Variants in CFAP44 observed in about 807,000 individuals in gnomAD.
CFAP44 encodes the protein cilia and flagella associated protein 44, also known as cilia- and flagella-associated protein 44.
Under a neutral mutation model 216.2 loss-of-function variants are expected in CFAP44, and 134 were observed. That is an observed-to-expected ratio of 0.62 (90% confidence interval 0.54 to 0.72). The LOEUF (loss-of-function observed/expected upper bound fraction) is 0.72. Ranked by LOEUF, CFAP44 falls within the 30% of genes least tolerant of loss-of-function variation. CFAP44 has a pLI of 0.00. For synonymous variants in CFAP44, 700 were observed against 727.6 expected, an observed-to-expected ratio of 0.96 and a Z score of 0.61; for missense variants, 2,035 against 2,182.1, an observed-to-expected ratio of 0.93 and a Z score of 1.34.
At chr3:113,394,630 T>C (rs1350013797) in intron 15 of CFAP44, among the ~76,000 whole-genome samples, 1 of 152,194 alleles carries the variant, frequency 6.6e-6, no homozygotes, top group Non-Finnish European at 1.5e-5. Flanking sequence ...ACCAGGGGTG[T>C]CCAATCTTTT....
intron 24 of CFAP44, among the ~76,000 whole-genome samples, chr3:113,335,323 A>G (rs1018564519): frequency 3.3e-5 from 5 of 152,230 alleles, no homozygotes; most frequent in African/African-American, 1.2e-4. Flanking sequence ...GTGGAGTAGG[A>G]TCAGGATCCC....
intron 6 of CFAP44, 28 bp from the exon 7 acceptor site, chr3:113,409,350 A>ATGTGTCCT: frequency 6.3e-7 from 1 of 1,583,052 alleles, no homozygotes; most frequent in Non-Finnish European, 8.7e-7. Flanking sequence ...AGCCTAATAA[A>ATGTGTCCT]TAAGGACACA....
At position 113,373,520 on chromosome 3, in the gene CFAP44, A is replaced by T. The variant is rs747787988; in HGVS notation, c.2335T>A (p.Phe779Ile). The T allele has an allele frequency of 5.0e-6, 8 of 1,601,178 alleles. No homozygotes were observed. In the East Asian group the frequency reaches 1.1e-4, roughly 23 times the overall value. The change falls in exon 18 of 35, where the codon TTC becomes ATC. Residue 779 changes from phenylalanine to isoleucine, a missense_variant. Phe to Ile is a conservative substitution (Grantham distance 21, BLOSUM62 0). Transcript: ENST00000393845. ...YDSGFLYHCE[F>I]PPCDESSDFK... ...TCACTGCTTTCATCACAAGGGGGGA[A>T]CTCACAGTGATATAGAAAACCAGAA...
intron 22 of CFAP44, among the ~76,000 whole-genome samples, chr3:113,348,643 A>G (rs959716856): frequency 6.6e-6 from 1 of 152,150 alleles, no homozygotes; most frequent in African/African-American, 2.4e-5. Flanking sequence ...CCTGCCCAGA[A>G]GGAAATAAGC....
intron 15 of CFAP44, among the ~76,000 whole-genome samples, chr3:113,393,733 C>T (rs1023587468): frequency 6.6e-6 from 1 of 152,174 alleles, no homozygotes; most frequent in Non-Finnish European, 1.5e-5. Flanking sequence ...CCAAGCTTGT[C>T]TCAACTGCTG....
rs549750318 is a variant in CFAP44, at chr3:113,380,974, A to G, written c.1977T>C (p.His659=). ...CTTTGATTTCATAGGAGACTACATC[A>G]TGATCATCCTCTTCTTGCTTTATGG... ...LPTIKQEEDD[H]DVVSYEIKDM... Residue 659 remains histidine (H), a synonymous_variant, in exon 16 of 35, where the codon CAT becomes CAC. Coordinates refer to ENST00000393845, the MANE Select transcript of CFAP44 (RefSeq NM_001164496.2). 1.2e-6 allele frequency: 2 copies of G among 1,602,734 alleles called. No homozygotes were observed. The highest frequency in any genetic ancestry group is 2.3e-5 in the East Asian group (1 of 44,194).
chr3:113,375,428 G>T (rs1476613624), intron 17 of CFAP44, among the ~76,000 whole-genome samples: 1 of 152,114 alleles, frequency 6.6e-6, no homozygotes, highest in East Asian at 1.9e-4. Context: ...AGAAAAAATA[G>T]GCTAAAGCAT....
chr3:113,361,370 ATGTC>A (rs1005490653), intron 21 of CFAP44: 8 of 203,784 alleles, frequency 3.9e-5, no homozygotes, highest in African/African-American at 1.9e-4. Context: ...CCAACTCAAC[ATGTC>A]TGTATTTGAA....
chr3:113,305,958 A>C lies in CFAP44; in HGVS notation c.4758+243T>G, dbSNP rs1949981583. On this transcript the variant is annotated intron_variant, in intron 30 of 34. Coordinates refer to ENST00000393845, the MANE Select transcript of CFAP44 (RefSeq NM_001164496.2). The stretch of plus-strand genomic sequence containing the variant: ...TTGTATGGGGAGGGGCTCCATTTTC[A>C]TTTTTTTTACTTATACAGTCATCAG... Among the ~76,000 whole-genome samples, 3 of 151,914 alleles carry C rather than the reference A, an allele frequency of 2.0e-5. No homozygotes were observed. In the South Asian group the frequency reaches 6.2e-4, roughly 32 times the overall value.
chr3:113,348,227 G>A (rs111936711), intron 22 of CFAP44, among the ~76,000 whole-genome samples: 2,812 of 152,026 alleles, frequency 0.018, 96 homozygotes, highest in African/African-American at 0.064. Context: ...TCAAAACCGC[G>A]GGCGGTTTTT....
chr3:113,359,003 C>T (rs1474640246), intron 21 of CFAP44, 128 bp from the exon 22 acceptor site: 4 of 1,153,850 alleles, frequency 3.5e-6, no homozygotes, highest in Non-Finnish European at 4.6e-6. Flanking sequence ...CTGTCCATTA[C>T]AAAAGAAAAA....
At chr3:113,354,772 A>G (rs988154739) in intron 22 of CFAP44, among the ~76,000 whole-genome samples, 1 of 152,026 alleles carries the variant, frequency 6.6e-6, no homozygotes, top group African/African-American at 2.4e-5. Flanking sequence ...TGCCTGAGAA[A>G]CCTGAATACT....
intron 23 of CFAP44, 43 bp downstream of exon 23, chr3:113,344,473 T>A (rs1950362706): frequency 6.7e-7 from 1 of 1,492,284 alleles, no homozygotes; most frequent in African/African-American, 1.4e-5. Context: ...ACTTTTGAAG[T>A]CTTAGTAAAT....
chr3:113,419,744 G>A (rs1035546489), intron 5 of CFAP44, among the ~76,000 whole-genome samples: 1 of 152,140 alleles, frequency 6.6e-6, no homozygotes. Flanking sequence ...AAACTTGCAC[G>A]ACTATGGGGA....
rs1205502780 is a variant in CFAP44 at position 113,379,419 on chromosome 3, TCTCCTCTTC to T, written c.2176_2184del (p.Glu726_Glu728del). 4 of 1,611,866 alleles carry T rather than the reference TCTCCTCTTC, an allele frequency of 2.5e-6. 1 individual carries two copies. The Admixed American group carries it at 6.7e-5, about 27-fold the overall frequency. ...TCTTCTTCCTCCTCCTCCTCCTCTT[TCTCCTCTTC>T]CTCCTCCTGAAATTCTTTTTCTCCA... On this transcript the variant is annotated inframe_deletion, in exon 17 of 35. Coordinates refer to ENST00000393845, the MANE Select transcript of CFAP44 (RefSeq NM_001164496.2).
chr3:113,344,589 T>A lies in CFAP44; in HGVS notation c.3189A>T (p.Ser1063=). The A allele has an allele frequency of 6.5e-7, 1 of 1,537,162 alleles. No homozygotes were observed. Among genetic ancestry groups the A allele is most frequent in the Admixed American group, 2.0e-5 (1 of 50,994 alleles). The stretch of plus-strand genomic sequence containing the variant: ...TGTCCAATTTGCTTGGTTTTCTCTC[T>A]GATTGACTAGCTCGTTTGAATTTGG... ...KYSKFKRASQ[S]ERKPSKLDRF... The change falls in exon 23 of 35, where the codon TCA becomes TCT. Residue 1063 remains serine (S), a synonymous_variant. Transcript: ENST00000393845.
chr3:113,379,415 T>A lies in CFAP44; in HGVS notation c.2189A>T (p.Glu730Val). The change falls in exon 17 of 35, where the codon GAG (glutamate) becomes GTG (valine). Residue 730 changes from glutamate to valine, a missense_variant. Physicochemically the swap from Glu to Val is moderately radical, Grantham distance 121. Coordinates refer to ENST00000393845, the MANE Select transcript of CFAP44 (RefSeq NM_001164496.2). ...TGGCTCTTCTTCCTCCTCCTCCTCC[T>A]CTTTCTCCTCTTCCTCCTCCTGAAA... is the stretch of plus-strand genomic sequence containing the variant. ...KEFQEEEEEK[E>V]EEEEEEEPLP... 6.2e-7 allele frequency: 1 copy of A among 1,613,022 alleles called. No homozygotes were observed. Among genetic ancestry groups the A allele is most frequent in the Non-Finnish European group, 8.5e-7 (1 of 1,179,218 alleles).
chr3:113,351,832 A>C (rs1265416142), intron 22 of CFAP44, among the ~76,000 whole-genome samples: 1 of 152,120 alleles, frequency 6.6e-6, no homozygotes, highest in Non-Finnish European at 1.5e-5. Flanking sequence ...TTTCCTCCAG[A>C]ATCGATGCCA....
At chr3:113,350,352 GAGTC>G (rs1411868927) in intron 22 of CFAP44, among the ~76,000 whole-genome samples, 2 of 148,706 alleles carry the variant, frequency 1.3e-5, no homozygotes, top group East Asian at 2.1e-4. Context: ...GACAAAGAGA[GAGTC>G]AGAGAGAGAG....
Sources: allele counts gnomAD v4.1 joint callset (sites outside exome capture counted in the v4.1 genomes callset), GRCh38; gene constraint gnomAD v4.1.1; transcripts MANE v1.5; gene names NCBI Gene and HGNC (gene_info 2026-07-23, HGNC 2026-07-21).